GLG1: variants seen among roughly 807,000 people sequenced by gnomAD.
GLG1 encodes Golgi apparatus protein 1.
In GLG1, 38 loss-of-function variants were observed where a neutral mutation model predicts 160.5. The observed-to-expected ratio is 0.24, with a 90% CI of 0.18 to 0.31. GLG1 has a LOEUF of 0.31. Among genes scored for constraint, GLG1 ranks in the 10% least tolerant of loss-of-function variants. GLG1 has a pLI of 1.00. For missense variants in GLG1, 1,373 were observed against 1,505.2 expected, an observed-to-expected ratio of 0.91 and a Z score of 1.45; for synonymous variants, 644 against 543.4, an observed-to-expected ratio of 1.19 and a Z score of -2.57.
chr16:74,568,920 G>A (rs967870567), intron 1 of GLG1, among the ~76,000 whole-genome samples: 5 of 152,274 alleles, frequency 3.3e-5, no homozygotes, highest in Middle Eastern at 3.4e-3. Flanking sequence ...TAAAAATACC[G>A]TAAATTACTG....
chr16:74,462,468 G>A lies in GLG1; in HGVS notation c.2934+20C>T. 1 of 1,606,562 alleles carries A rather than the reference G, an allele frequency of 6.2e-7. No homozygotes were observed. Among genetic ancestry groups the A allele is most frequent in the East Asian group, 2.2e-5 (1 of 44,704 alleles). ...GAGGCTCCATAAATACACCTTTGTG[G>A]AGAGCCCAGGCCAGTTTACCTGGTC... On this transcript the variant is annotated intron_variant, in intron 21 of 25. Transcript: ENST00000422840.
intron 1 of GLG1, among the ~76,000 whole-genome samples, chr16:74,542,739 A>AGGGAGGG (rs1567513936): frequency 1.5e-3 from 15 of 10,210 alleles, no homozygotes; most frequent in South Asian, 6.3e-3. Context: ...GGAAGGGAGG[A>AGGGAGGG]AGGAAGGAAG....
At position 74,471,509 on chromosome 16, in the gene GLG1, C is replaced by CT. The variant is rs901585629; in HGVS notation, c.2116-224dup. 5.3e-5 allele frequency among the ~76,000 whole-genome samples: 8 copies of CT among 151,148 alleles called. No homozygotes were observed. The South Asian group carries it at 6.3e-4, about 12-fold the overall frequency. On this transcript the variant is annotated intron_variant, in intron 14 of 25. Coordinates refer to ENST00000422840, the MANE Select transcript of GLG1 (RefSeq NM_001145667.2). ...TGTTCCGTATAAGACATGATATACGCTTTTTTTTTCACTTTCCGAAAAGCA... is the reference window on the plus strand; with the variant it reads ...TGTTCCGTATAAGACATGATATACGCTTTTTTTTTTCACTTTCCGAAAAGCA...
At chr16:74,521,439 G>A (rs2017160495) in intron 2 of GLG1, among the ~76,000 whole-genome samples, 2 of 152,110 alleles carry the variant, frequency 1.3e-5, no homozygotes, top group Admixed American at 6.6e-5. Context: ...CAGGGCAATA[G>A]CAGTGAAAAT....
intron 4 of GLG1, among the ~76,000 whole-genome samples, chr16:74,499,731 C>T (rs562871537): frequency 1.3e-5 from 2 of 152,160 alleles, no homozygotes; most frequent in Admixed American, 6.6e-5. Flanking sequence ...TGGCTGGGCA[C>T]GGTGGCTCAC....
intron 11 of GLG1, among the ~76,000 whole-genome samples, chr16:74,478,318 A>G (rs1390917283): frequency 6.6e-6 from 1 of 152,206 alleles, no homozygotes; most frequent in Non-Finnish European, 1.5e-5. Flanking sequence ...AAATGTAGAT[A>G]TAACATTATG....
At chr16:74,538,872 A>C (rs1471) in intron 1 of GLG1, among the ~76,000 whole-genome samples, 98,497 of 146,996 alleles carry the variant, frequency 0.67, 33,285 homozygotes, top group East Asian at 0.8. Context: ...AAAAGCACCA[A>C]TAACCCTATG....
rs956318626 is a variant in GLG1, at chr16:74,606,834, C to T, written c.261G>A (p.Pro87=). ...CACCCGCCGGGAAAGGCGGCTGCGG[C>T]GGCTGAGGCTGCTGTTGCTGTTGCT... The part of the protein sequence containing the change: ...QQQQQQQQPQ[P]PQPPFPAGGP... Residue 87 remains proline, a synonymous_variant, in exon 1 of 26, where the codon CCG becomes CCA. Transcript: ENST00000422840. 5 of 1,599,614 alleles carry T rather than the reference C, an allele frequency of 3.1e-6. No homozygotes were observed. In the African/African-American group the frequency reaches 5.4e-5, roughly 17 times the overall value.
At chr16:74,572,405 C>A (rs559269820) in intron 1 of GLG1, among the ~76,000 whole-genome samples, 26 of 151,176 alleles carry the variant, frequency 1.7e-4, no homozygotes, top group Non-Finnish European at 3.8e-4. Flanking sequence ...CAGCTACTCG[C>A]AAGGCTGAGG....
At chr16:74,478,296 G>T (rs1288097036) in intron 11 of GLG1, among the ~76,000 whole-genome samples, 2 of 152,084 alleles carry the variant, frequency 1.3e-5, no homozygotes, top group African/African-American at 4.8e-5. Context: ...ACCTAAATCA[G>T]AAAAAGCAGG....
intron 1 of GLG1, among the ~76,000 whole-genome samples, chr16:74,570,495 C>T (rs1316823269): frequency 6.9e-6 from 1 of 145,726 alleles, no homozygotes; most frequent in Non-Finnish European, 1.5e-5. Flanking sequence ...TATATTCCAA[C>T]CTAAAATTCT....
Position 74,452,288 on chromosome 16 carries a change from A to G in GLG1, c.*879T>C, listed in dbSNP as rs1355541578. 1 of 1,459,398 alleles carries G rather than the reference A, an allele frequency of 6.9e-7. No individual in the cohort carries two copies. Among genetic ancestry groups the G allele is most frequent in the African/African-American group, 1.4e-5 (1 of 70,916 alleles). 90.4% of individuals were successfully genotyped at this position (1,459,398 alleles called of 1,614,324 possible). On this transcript the variant is annotated 3_prime_UTR_variant, in exon 26 of 26. Transcript: ENST00000422840. ...TGTAGCCTCAGCAGGGCCGGTCCAG[A>G]CATGGCTGAGTCCTGTGCTGCCCTG... is the stretch of plus-strand genomic sequence containing the variant.
chr16:74,588,229 T>C (rs191466858), intron 1 of GLG1, among the ~76,000 whole-genome samples: 2 of 152,024 alleles, frequency 1.3e-5, no homozygotes, highest in East Asian at 3.9e-4. Context: ...AGTGGGCAAA[T>C]AGTATGTGAT....
chr16:74,508,690 A>C (rs1159202867), intron 3 of GLG1, 149 bp downstream of exon 3: 10 of 571,892 alleles, frequency 1.7e-5, no homozygotes, highest in Non-Finnish European at 3.1e-5. Flanking sequence ...AAAGAGTCTA[A>C]TTACACCCCC....
chr16:74,600,711 G>A (rs374353496), intron 1 of GLG1, among the ~76,000 whole-genome samples: 7 of 137,898 alleles, frequency 5.1e-5, no homozygotes, highest in East Asian at 2.1e-4. Flanking sequence ...CAATCTGGGC[G>A]ACTGAGAAAG....
At chr16:74,604,864 C>CA (rs1958528452) in intron 1 of GLG1, among the ~76,000 whole-genome samples, 1 of 152,162 alleles carries the variant, frequency 6.6e-6, no homozygotes, top group African/African-American at 2.4e-5. Flanking sequence ...TCCTGGCCAA[C>CA]ATGGTGAAAC....
At chr16:74,512,728 C>T (rs117478891) in intron 2 of GLG1, among the ~76,000 whole-genome samples, 2,334 of 150,286 alleles carry the variant, frequency 0.016, 22 homozygotes, top group South Asian at 0.029. Context: ...GAAGCTCAAC[C>T]ACAGGAGGAC....
chr16:74,541,950 TGACTG>T (rs2017880129), intron 1 of GLG1, among the ~76,000 whole-genome samples: 2 of 149,892 alleles, frequency 1.3e-5, no homozygotes, highest in East Asian at 3.9e-4. Context: ...TACATCTTCA[TGACTG>T]GGAAAGCAGG....
At chr16:74,482,480 T>C (rs1597250281) in intron 10 of GLG1, among the ~76,000 whole-genome samples, 2 of 152,270 alleles carry the variant, frequency 1.3e-5, no homozygotes, top group South Asian at 2.1e-4. Context: ...TCAGTGATTC[T>C]GGCTGTAATA....
Sources: allele counts gnomAD v4.1 joint callset (sites outside exome capture counted in the v4.1 genomes callset), GRCh38; gene constraint gnomAD v4.1.1; transcripts MANE v1.5; gene names NCBI Gene and HGNC (gene_info 2026-07-23, HGNC 2026-07-21).